The following FUBP3 variants were observed in gnomAD, a reference collection of about 807,000 sequenced individuals.
The protein encoded by FUBP3 is far upstream element-binding protein 3.
FUBP3 carries 28 observed loss-of-function variants against 85.6 expected under a neutral mutation model. The ratio of observed to expected loss-of-function variants is 0.33; its 90% CI spans 0.24 to 0.45. The LOEUF (loss-of-function observed/expected upper bound fraction) is 0.45. Ranked by LOEUF, FUBP3 falls within the 20% of genes least tolerant of loss-of-function variation. The probability of loss-of-function intolerance (pLI) is 1.00; values close to 1 mark genes in which losing one functional copy is unlikely to be tolerated. For synonymous variants in FUBP3, 271 were observed against 271.4 expected (o/e 1.00, Z 0.01); for missense variants, 583 against 755.1 (o/e 0.77, Z 2.67).
intron 1 of FUBP3, among the ~76,000 whole-genome samples, chr9:130,594,628 G>A (rs1008320407): frequency 2.0e-5 from 3 of 151,996 alleles, no homozygotes; most frequent in Non-Finnish European, 4.4e-5. Context: ...ACGTGGTGGT[G>A]CGTACTTGTA....
At chr9:130,599,879 C>T (rs1026322267) in intron 2 of FUBP3, among the ~76,000 whole-genome samples, 1 of 152,196 alleles carries the variant, frequency 6.6e-6, no homozygotes, top group Admixed American at 6.5e-5. Flanking sequence ...CCATTGCCTG[C>T]CCTCCCGCTT....
chr9:130,624,609 TTGTGTGTGTGTGTGTGTGTGTGTGTGTG>T (rs138986229), intron 11 of FUBP3, among the ~76,000 whole-genome samples: 1 of 143,876 alleles, frequency 7.0e-6, no homozygotes, highest in African/African-American at 2.6e-5. Flanking sequence ...TTACAAGATT[TTGTGTGTGTGTGTGTGTGTGTGTGTGTG>T]TGTGTGTGTG....
In FUBP3 at chr9:130,617,843, C is replaced by G; in HGVS notation, c.614C>G (p.Pro205Arg). The G allele has an allele frequency of 1.2e-6, 2 of 1,610,484 alleles. No homozygotes were observed. Among genetic ancestry groups the G allele is most frequent in the Non-Finnish European group, 1.7e-6 (2 of 1,176,782 alleles). ...GTCATGATCCAGGATGGCCCATTGC[C>G]CACGGGAGCAGACAAGCCTCTTCGT... ...KMVMIQDGPL[P>R]TGADKPLRIT... The change falls in exon 8 of 19, where the codon CCC becomes CGC. Residue 205 changes from proline to arginine, a missense_variant. Pro to Arg is a moderately radical substitution (Grantham distance 103). Transcript: ENST00000319725.
chr9:130,636,894 C>T (rs1157815413), intron 18 of FUBP3, 120 bp from the exon 19 acceptor site: 1 of 834,268 alleles, frequency 1.2e-6, no homozygotes, highest in Non-Finnish European at 2.1e-6. Context: ...AGCCCAAGAC[C>T]TCTTCAGCAG....
chr9:130,617,530 A>T (rs1832070976), intron 7 of FUBP3, among the ~76,000 whole-genome samples: 1 of 152,222 alleles, frequency 6.6e-6, no homozygotes, highest in Non-Finnish European at 1.5e-5. Context: ...CCTGGCATTC[A>T]GTGAAAGTAG....
At chr9:130,601,367 C>T (rs949456982) in intron 2 of FUBP3, among the ~76,000 whole-genome samples, 1 of 152,298 alleles carries the variant, frequency 6.6e-6, no homozygotes, top group Non-Finnish European at 1.5e-5. Flanking sequence ...CTCTCCTGAT[C>T]AAAGATCAAA....
intron 1 of FUBP3, among the ~76,000 whole-genome samples, chr9:130,585,343 C>G (rs1051949827): frequency 6.6e-6 from 1 of 152,122 alleles, no homozygotes; most frequent in Non-Finnish European, 1.5e-5. Context: ...CTTTGGGATG[C>G]CTAATTGACA....
intron 3 of FUBP3, among the ~76,000 whole-genome samples, chr9:130,611,056 G>A (rs1240229220): frequency 6.6e-6 from 1 of 152,152 alleles, no homozygotes; most frequent in Non-Finnish European, 1.5e-5. Context: ...AGAGCAGTTC[G>A]TCTTGGAATG....
In FUBP3 at chr9:130,635,926, A is replaced by C; in HGVS notation, c.1583-73A>C. 1 of 1,501,466 alleles carries C rather than the reference A, an allele frequency of 6.7e-7. No individual in the cohort carries two copies. The highest frequency in any genetic ancestry group is 9.1e-7 in the Non-Finnish European group (1 of 1,102,150). 93.0% of individuals were successfully genotyped at this position (1,501,466 alleles called of 1,614,324 possible). On this transcript the variant is annotated intron_variant, in intron 17 of 18. Transcript: ENST00000319725. The surrounding 1 kb of genome is among the most constrained non-coding windows in gnomAD (Gnocchi z 4.3). ...CCGTCCGGAGGGAGAGCAGATGCCC[A>C]GGGCCTTTGGGAAGGGTCCTGCCCA...
chr9:130,611,768 T>C (rs892362396), intron 3 of FUBP3, among the ~76,000 whole-genome samples: 2 of 151,152 alleles, frequency 1.3e-5, no homozygotes, highest in African/African-American at 4.9e-5. Flanking sequence ...ATGGCAGATT[T>C]GAAGGTTTGT....
chr9:130,607,892 A>T (rs1831542350), intron 2 of FUBP3, among the ~76,000 whole-genome samples: 1 of 152,194 alleles, frequency 6.6e-6, no homozygotes, highest in African/African-American at 2.4e-5. Flanking sequence ...CAGCCCATCT[A>T]TCTGTGGGAT....
Position 130,626,510 on chromosome 9 carries a change from G to A in FUBP3, c.1117+5G>A. 6.2e-7 allele frequency: 1 copy of A among 1,613,458 alleles called. No homozygotes were observed. The highest frequency in any genetic ancestry group is 8.5e-7 in the Non-Finnish European group (1 of 1,179,468). ...GTGGCCTCGTCATAGGCAAAGGTAAGAGGCAGCTGGGGTTTCACATCCCCC... is the reference window on the plus strand; with the variant it reads ...GTGGCCTCGTCATAGGCAAAGGTAAAAGGCAGCTGGGGTTTCACATCCCCC... On this transcript the variant is annotated splice_donor_5th_base_variant and intron_variant, in intron 12 of 18. Transcript: ENST00000319725.
chr9:130,616,309 C>G lies in FUBP3; in HGVS notation c.405-46C>G. On this transcript the variant is annotated intron_variant, in intron 6 of 18. Transcript: ENST00000319725. This position sits in a 1 kb window ranked among gnomAD's most constrained non-coding sequence, Gnocchi z 4.7. Reference sequence around the variant, plus strand: ...ATTTCCCTGTCTTGCACACTTAGAGCCTCCATTTAATGCTGGTTCTCTTGT... The same window carrying G: ...ATTTCCCTGTCTTGCACACTTAGAGGCTCCATTTAATGCTGGTTCTCTTGT... 1 of 1,590,374 alleles carries G rather than the reference C, an allele frequency of 6.3e-7. No homozygotes were observed. Among genetic ancestry groups the G allele is most frequent in the Non-Finnish European group, 8.6e-7 (1 of 1,159,750 alleles).
intron 2 of FUBP3, among the ~76,000 whole-genome samples, chr9:130,607,906 A>G (rs1433131984): frequency 6.6e-6 from 1 of 152,236 alleles, no homozygotes; most frequent in Non-Finnish European, 1.5e-5. Flanking sequence ...GTGGGATGAT[A>G]GTGTGAACAT....
chr9:130,634,650 T>A lies in FUBP3; in HGVS notation c.1511-17T>A, dbSNP rs767944791. On this transcript the variant is annotated splice_polypyrimidine_tract_variant and intron_variant, in intron 16 of 18. Coordinates refer to ENST00000319725, the MANE Select transcript of FUBP3 (RefSeq NM_003934.2). ...AGGAGCCCGTAAGGCCTGACTGCTT[T>A]TGTGTTCTTCGCACAGGCCAGCAGA... is the stretch of plus-strand genomic sequence containing the variant. 1.3e-5 allele frequency: 21 copies of A among 1,611,088 alleles called. 1 individual carries two copies. In the South Asian group the frequency reaches 2.3e-4, roughly 18 times the overall value.
At chr9:130,622,179 C>T (rs796313633) in intron 9 of FUBP3, among the ~76,000 whole-genome samples, 1 of 151,330 alleles carries the variant, frequency 6.6e-6, no homozygotes, top group Non-Finnish European at 1.5e-5. Context: ...CAAAAATAAA[C>T]TGGGCATGGT....
At chr9:130,624,242 T>C (rs1401891926) in intron 11 of FUBP3, among the ~76,000 whole-genome samples, 5 of 152,190 alleles carry the variant, frequency 3.3e-5, no homozygotes, top group Admixed American at 3.3e-4. Context: ...GAAATTATAG[T>C]CCCAGCTCTG....
intron 2 of FUBP3, among the ~76,000 whole-genome samples, chr9:130,608,860 C>T (rs938909829): frequency 3.9e-5 from 6 of 152,082 alleles, no homozygotes; most frequent in Admixed American, 6.5e-5. Flanking sequence ...ACTGTCCAGT[C>T]GGAGAATGAC....
In FUBP3 at chr9:130,616,275, C is replaced by G. The variant is rs1832004557; in HGVS notation, c.405-80C>G. On this transcript the variant is annotated intron_variant, in intron 6 of 18. Transcript: ENST00000319725. This position sits in a 1 kb window ranked among gnomAD's most constrained non-coding sequence, Gnocchi z 4.7. ...TGCCCTGACTCCCGCAGGTTTTTCC[C>G]TCAGTGCTATTTCCCTGTCTTGCAC... 4 of 1,402,434 alleles carry G rather than the reference C, an allele frequency of 2.9e-6. No individual in the cohort carries two copies. Among genetic ancestry groups the G allele is most frequent in the Non-Finnish European group, 9.9e-7 (1 of 1,005,946 alleles). The allele number at this position is 1,402,434 out of a possible 1,614,324, so 86.9% of individuals were successfully genotyped here. A position where few individuals can be genotyped will look rare whatever the true frequency, so the allele number is the denominator to read the frequency against.
Sources: allele counts gnomAD v4.1 joint callset (sites outside exome capture counted in the v4.1 genomes callset), GRCh38; gene constraint gnomAD v4.1.1; non-coding constraint Gnocchi (gnomAD v3.1); transcripts MANE v1.5; gene names NCBI Gene and HGNC (gene_info 2026-07-23, HGNC 2026-07-21).